Variants in ANKS1A observed in about 807,000 individuals in gnomAD.
The protein encoded by ANKS1A is ankyrin repeat and SAM domain-containing protein 1A.
Under a neutral mutation model 120.3 loss-of-function variants are expected in ANKS1A, and 55 were observed. The ratio of observed to expected loss-of-function variants is 0.46; its 90% CI spans 0.37 to 0.57. The LOEUF is 0.57. ANKS1A is among the 20% of genes least tolerant of loss of function. ANKS1A has a pLI of 0.00. For missense variants in ANKS1A, 1,123 were observed against 1,480.3 expected, an observed-to-expected ratio of 0.76 and a Z score of 3.96; for synonymous variants, 590 against 604.7, an observed-to-expected ratio of 0.98 and a Z score of 0.36.
the ANKS1A span, among the ~76,000 whole-genome samples, chr6:35,097,324 C>T: frequency 6.6e-6 from 1 of 152,038 alleles, no homozygotes; most frequent in Non-Finnish European, 1.5e-5. Context: ...ACCTGGCCAA[C>T]ATGGTGAAAC....
At chr6:34,976,340 T>C (rs1249193586) in intron 3 of ANKS1A, among the ~76,000 whole-genome samples, 2 of 152,166 alleles carry the variant, frequency 1.3e-5, no homozygotes, top group East Asian at 3.8e-4. Context: ...GGAGCTTTCA[T>C]GTTCTTTTTT....
At position 34,889,529 on chromosome 6, in the gene ANKS1A, GGCGGCGGCGGCA is replaced by G. The variant is rs1233577535; in HGVS notation, c.139_150del (p.Ser47_Gly50del). 26 of 1,269,596 alleles carry G rather than the reference GGCGGCGGCGGCA, an allele frequency of 2.0e-5. No homozygotes were observed. Among genetic ancestry groups the G allele is most frequent in the Admixed American group, 4.2e-5 (1 of 23,890 alleles). 78.6% of individuals were successfully genotyped at this position (1,269,596 alleles called of 1,614,324 possible). On this transcript the variant is annotated inframe_deletion, in exon 1 of 24. Coordinates refer to ENST00000360359, the MANE Select transcript of ANKS1A (RefSeq NM_015245.3). The surrounding 1 kb of genome is among the most constrained non-coding windows in gnomAD (Gnocchi z 5.5). ...CGGCGGCGGCGGTGGCTCTGGGGGC[GGCGGCGGCGGCA>G]GCGGCGGCGGCGGCGGCGGCCTCGG...
rs573530736 is a variant in ANKS1A, at chr6:35,010,718, G to C, written c.1424-6755G>C. Among the ~76,000 whole-genome samples, 4 of 152,276 alleles carry C rather than the reference G, an allele frequency of 2.6e-5. No individual in the cohort carries two copies. In the South Asian group the frequency reaches 8.3e-4, roughly 32 times the overall value. ...AGAAAAAGGGTTAGGCAGTTAGAAG[G>C]CCATTGGTAAAGCCTAAATGGGGTC... On this transcript the variant is annotated intron_variant, in intron 10 of 23. Transcript: ENST00000360359.
Position 35,082,743 on chromosome 6 carries a change from C to G in ANKS1A, c.2762C>G (p.Pro921Arg). ...CTGCGGCCCCCGAGCCTGGCAGCCC[C>G]CTACGCCCCAGTGCAGAGTTGGCAA... The part of the protein sequence containing the change: ...LTLRPPSLAA[P>R]YAPVQSWQHQ... The change falls in exon 18 of 24, where the codon CCC becomes CGC. Residue 921 changes from proline to arginine, a missense_variant. This residue lies in a region of ANKS1A where 904 missense variants were observed against 1,130.4 expected (regional missense o/e 0.80). Transcript: ENST00000360359. The surrounding 1 kb of genome is among the most constrained non-coding windows in gnomAD (Gnocchi z 4.1). 1 of 1,613,920 alleles carries G rather than the reference C, an allele frequency of 6.2e-7. No individual in the cohort carries two copies. Among genetic ancestry groups the G allele is most frequent in the African/African-American group, 1.3e-5 (1 of 75,048 alleles).
At position 35,089,529 on chromosome 6, in the gene ANKS1A, T is replaced by C. The variant is rs958556532; in HGVS notation, c.*920T>C. On this transcript the variant is annotated 3_prime_UTR_variant, in exon 24 of 24. Coordinates refer to ENST00000360359, the MANE Select transcript of ANKS1A (RefSeq NM_015245.3). ...GGTTGCTACTTGCCAATTTGTGATT[T>C]GTCTAATCAGCCTGTGTGATTGGGG... The C allele has an allele frequency of 1.0e-6, 1 of 986,394 alleles. No homozygotes were observed. The highest frequency in any genetic ancestry group is 1.7e-5 in the African/African-American group (1 of 57,250). The allele number at this position is 986,394 out of a possible 1,614,324, so 61.1% of individuals were successfully genotyped here. A position where few individuals can be genotyped will look rare whatever the true frequency, so the allele number is the denominator to read the frequency against.
Position 35,085,927 on chromosome 6 carries a change from G to A in ANKS1A, c.3294G>A (p.Arg1098=). The A allele has an allele frequency of 5.6e-6, 9 of 1,605,382 alleles. No homozygotes were observed. The highest frequency in any genetic ancestry group is 7.6e-6 in the Non-Finnish European group (9 of 1,176,982). Residue 1098 remains arginine (R), a synonymous_variant, in exon 22 of 24, where the codon AGG becomes AGA. Transcript: ENST00000360359. This position sits in a 1 kb window ranked among gnomAD's most constrained non-coding sequence, Gnocchi z 4.7. ...TGCCTAAGCCTCGGGTCGGCGTGAG[G>A]AAATCCGCAGTACGTGGGCCCCACT... ...KPVPKPRVGV[R]KSALEPPDMD... is the part of the protein sequence containing the mutation.
At chr6:34,915,595 C>A (rs1355066265) in intron 1 of ANKS1A, among the ~76,000 whole-genome samples, 3 of 152,166 alleles carry the variant, frequency 2.0e-5, no homozygotes, top group African/African-American at 7.2e-5. Flanking sequence ...AGTCCTCCTG[C>A]ATCAGCCTCC....
chr6:35,081,792 C>T (rs1777700734), intron 17 of ANKS1A, among the ~76,000 whole-genome samples: 1 of 152,188 alleles, frequency 6.6e-6, no homozygotes, highest in Non-Finnish European at 1.5e-5. Flanking sequence ...TTCCAGGGGT[C>T]CTGGATTTAC....
rs1777173090 is a variant in ANKS1A, at chr6:35,073,409, G to A, written c.2185-5149G>A. On this transcript the variant is annotated intron_variant, in intron 13 of 23. Coordinates refer to ENST00000360359, the MANE Select transcript of ANKS1A (RefSeq NM_015245.3). ...GGGAGCACTTTTTCCTCTGCAAAGC[G>A]GGGAGCAGTCGGACACCTGCCGGCG... Among the ~76,000 whole-genome samples, 4 of 152,328 alleles carry A rather than the reference G, an allele frequency of 2.6e-5. No individual in the cohort carries two copies. The South Asian group carries it at 8.3e-4, about 32-fold the overall frequency.
At chr6:34,916,059 C>G (rs1403188913) in intron 1 of ANKS1A, among the ~76,000 whole-genome samples, 1 of 138,138 alleles carries the variant, frequency 7.2e-6, no homozygotes, top group African/African-American at 2.8e-5. Flanking sequence ...GTGGTGCAAT[C>G]TCGGCTCACT....
At chr6:35,035,083 C>G (rs77850980) in intron 11 of ANKS1A, among the ~76,000 whole-genome samples, 2,807 of 152,326 alleles carry the variant, frequency 0.018, 85 homozygotes, top group African/African-American at 0.06. Flanking sequence ...CTCCCTGGAG[C>G]CCTCTTCTCA....
At chr6:34,979,799 A>T (rs917436963) in intron 3 of ANKS1A, among the ~76,000 whole-genome samples, 12 of 152,200 alleles carry the variant, frequency 7.9e-5, no homozygotes, top group African/African-American at 2.9e-4. Flanking sequence ...GGCTCTTTCT[A>T]TCACACTCAT....
At chr6:34,927,876 C>T (rs936333160) in intron 1 of ANKS1A, among the ~76,000 whole-genome samples, 2 of 152,118 alleles carry the variant, frequency 1.3e-5, no homozygotes, top group Admixed American at 6.5e-5. Flanking sequence ...GTTCCTCACC[C>T]ACCCCTTACA....
At chr6:35,003,151 A>C (rs1019705248) in intron 10 of ANKS1A, among the ~76,000 whole-genome samples, 2 of 152,090 alleles carry the variant, frequency 1.3e-5, no homozygotes, top group Non-Finnish European at 2.9e-5. Context: ...ATAGCTATTA[A>C]AAAATTGAAA....
chr6:35,083,364 G>GA, intron 19 of ANKS1A, 53 bp from the exon 20 acceptor site: 1 of 1,600,198 alleles, frequency 6.2e-7, no homozygotes. Flanking sequence ...GGAAGCCCAG[G>GA]AGGCTTAGCC....
chr6:34,889,726 G>A lies in ANKS1A; in HGVS notation c.197+127G>A, dbSNP rs1294477140. On this transcript the variant is annotated intron_variant, in intron 1 of 23. Transcript: ENST00000360359. The surrounding 1 kb of genome is among the most constrained non-coding windows in gnomAD (Gnocchi z 5.5). ...TGGGCTTGTGGCGTGCCCGGGGCGA[G>A]GCAGGCGGCCCGCGGGCCAGGGTAC... is the stretch of plus-strand genomic sequence containing the variant. 8 of 1,150,532 alleles carry A rather than the reference G, an allele frequency of 7.0e-6. No homozygotes were observed. The East Asian group carries it at 3.5e-4, about 50-fold the overall frequency. The allele number at this position is 1,150,532 out of a possible 1,614,324, so 71.3% of individuals were successfully genotyped here. A position where few individuals can be genotyped will look rare whatever the true frequency, so the allele number is the denominator to read the frequency against.
chr6:34,918,785 A>G lies in ANKS1A; in HGVS notation c.197+29186A>G, dbSNP rs75493700. 5.6e-3 allele frequency among the ~76,000 whole-genome samples: 851 copies of G among 152,312 alleles called. 7 individuals are homozygous for G. Among genetic ancestry groups the G allele is most frequent in the African/African-American group, 0.019 (776 of 41,554 alleles). The stretch of plus-strand genomic sequence containing the variant: ...TTTTTTTTTTAACGGAACACCATGT[A>G]ACTATAGCATATTGACTGTGACTTT... On this transcript the variant is annotated intron_variant, in intron 1 of 23. Transcript: ENST00000360359.
chr6:34,947,216 G>A (rs1769846885), intron 1 of ANKS1A, among the ~76,000 whole-genome samples: 1 of 142,904 alleles, frequency 7.0e-6, no homozygotes, highest in Admixed American at 7.4e-5. Context: ...CGTGATCTCA[G>A]CTCACTACAA....
chr6:34,938,260 A>G (rs1769354960), intron 1 of ANKS1A, among the ~76,000 whole-genome samples: 2 of 152,260 alleles, frequency 1.3e-5, no homozygotes, highest in Non-Finnish European at 2.9e-5. Context: ...TGCCTATTCA[A>G]CTGGCCCTAA....
Sources: gnomAD v4.1 joint callset for allele counts (sites outside exome capture counted in the v4.1 genomes callset) on GRCh38, gnomAD v4.1.1 for gene constraint, gnomAD v4.1.1 regional missense constraint, Gnocchi (gnomAD v3.1) non-coding constraint, MANE v1.5 for transcripts, NCBI Gene and HGNC (gene_info 2026-07-23, HGNC 2026-07-21) for gene names.